ZSWIM3: variants seen among roughly 807,000 people sequenced by gnomAD.
ZSWIM3 encodes the protein zinc finger SWIM-type containing 3.
A neutral mutation model predicts 47.5 loss-of-function variants in ZSWIM3; 27 were observed. That is an observed-to-expected ratio of 0.57 (90% confidence interval 0.42 to 0.78). The LOEUF (loss-of-function observed/expected upper bound fraction) is 0.78, where lower values mean the gene tolerates loss of function less well. Among genes scored for constraint, ZSWIM3 ranks in the 30% least tolerant of loss-of-function variants. ZSWIM3 has a pLI of 0.00. For synonymous variants in ZSWIM3, 333 were observed against 333.9 expected, an observed-to-expected ratio of 1.00 and a Z score of 0.03; for missense variants, 689 against 861.3, an observed-to-expected ratio of 0.80 and a Z score of 2.50.
chr20:45,877,616 T>C lies in ZSWIM3; in HGVS notation c.1058T>C (p.Met353Thr). The change falls in exon 2 of 2, where the codon ATG (methionine) becomes ACG (threonine). Residue 353 changes from methionine (M) to threonine (T), a missense_variant. By Grantham distance (81) the Met-to-Thr change is moderately conservative. Transcript: ENST00000255152. Reference sequence around the variant, plus strand: ...GCCAGCCTGAAAAATCTCTGCCAGATGTCCCAGGCCGTACTGGATGAGGAT... The same window carrying C: ...GCCAGCCTGAAAAATCTCTGCCAGACGTCCCAGGCCGTACTGGATGAGGAT... ...SEASLKNLCQ[M>T]SQAVLDEDLF... 6.2e-7 allele frequency: 1 copy of C among 1,614,206 alleles called. No homozygotes were observed. The highest frequency in any genetic ancestry group is 8.5e-7 in the Non-Finnish European group (1 of 1,180,028).
chr20:45,858,109 A>C, intron 1 of ZSWIM3, 129 bp downstream of exon 1: 1 of 982,288 alleles, frequency 1.0e-6, no homozygotes, highest in Non-Finnish European at 1.5e-6. Flanking sequence ...ACAGGCACTC[A>C]TTGAGCACCT....
chr20:45,870,792 C>G (rs946602422), intron 1 of ZSWIM3, among the ~76,000 whole-genome samples: 1 of 151,834 alleles, frequency 6.6e-6, no homozygotes, highest in African/African-American at 2.4e-5. Context: ...CTCCTGGGTT[C>G]AAGTGATTCT....
rs35863246 is a variant in ZSWIM3 at position 45,867,002 on chromosome 20, ATT to A, written c.155+9042_155+9043del. ...AAAATAAAATCAGATCAAGTTAGAA[ATT>A]TTTTTTTTTTTTTTTTTTTGAGACA... On this transcript the variant is annotated intron_variant, in intron 1 of 1. Coordinates refer to ENST00000255152, the MANE Select transcript of ZSWIM3 (RefSeq NM_080752.4). Among the ~76,000 whole-genome samples, 1,176 of 137,448 alleles carry A rather than the reference ATT, an allele frequency of 8.6e-3. 24 individuals are homozygous for A. The East Asian group carries it at 0.092, about 11-fold the overall frequency. 90.2% of individuals were successfully genotyped at this position (137,448 alleles called of 152,430 possible).
chr20:45,865,950 G>A (rs1056220170), intron 1 of ZSWIM3, among the ~76,000 whole-genome samples: 26 of 140,428 alleles, frequency 1.9e-4, no homozygotes, highest in African/African-American at 5.5e-4. Flanking sequence ...CCGAGATCAC[G>A]CCATTGCACT....
At chr20:45,867,684 G>C (rs561622816) in intron 1 of ZSWIM3, among the ~76,000 whole-genome samples, 1 of 152,288 alleles carries the variant, frequency 6.6e-6, no homozygotes, top group African/African-American at 2.4e-5. Context: ...TATCAACTGG[G>C]AAGAGTATGT....
At position 45,877,918 on chromosome 20, in the gene ZSWIM3, A is replaced by G; in HGVS notation, c.1360A>G (p.Lys454Glu). 1 of 1,614,172 alleles carries G rather than the reference A, an allele frequency of 6.2e-7. No individual in the cohort carries two copies. The highest frequency in any genetic ancestry group is 1.7e-4 in the Middle Eastern group (1 of 6,060). ...GCCGGCAAGCATGCCACTGAAGTCC[A>G]AGAAGGCTTTTGGAATCTGTGGAGA... ...ARPASMPLKS[K>E]KAFGICGESL... Residue 454 changes from lysine to glutamate, a missense_variant, in exon 2 of 2, where the codon AAG becomes GAG. Lys to Glu is a moderately conservative substitution (Grantham distance 56, BLOSUM62 1). Transcript: ENST00000255152.
At chr20:45,864,675 C>G (rs367712121) in intron 1 of ZSWIM3, among the ~76,000 whole-genome samples, 2 of 151,706 alleles carry the variant, frequency 1.3e-5, no homozygotes, top group Non-Finnish European at 2.9e-5. Context: ...CCAGCCTGCC[C>G]GACATGGTGA....
Position 45,877,818 on chromosome 20 carries a change from G to A in ZSWIM3, c.1260G>A (p.Val420=), listed in dbSNP as rs761566705. 46 of 1,614,054 alleles carry A rather than the reference G, an allele frequency of 2.8e-5. No individual in the cohort carries two copies. The highest frequency in any genetic ancestry group is 6.7e-5 in the African/African-American group (5 of 74,914). ...QSLLDCILCF[V]DYIDFFNTKG... ...TGCTGGACTGCATCCTCTGCTTTGTGGATTACATAGACTTCTTTAATACCA... is the reference window on the plus strand; with the variant it reads ...TGCTGGACTGCATCCTCTGCTTTGTAGATTACATAGACTTCTTTAATACCA... The change falls in exon 2 of 2, where the codon GTG becomes GTA. Residue 420 remains valine (V), a synonymous_variant. Coordinates refer to ENST00000255152, the MANE Select transcript of ZSWIM3 (RefSeq NM_080752.4).
intron 1 of ZSWIM3, among the ~76,000 whole-genome samples, chr20:45,865,767 GCGGGCAGATCA>G (rs1985823371): frequency 6.6e-6 from 1 of 151,966 alleles, no homozygotes; most frequent in Admixed American, 6.6e-5. Flanking sequence ...AGAGGCCGAG[GCGGGCAGATCA>G]CGAGGTCAGG....
chr20:45,877,762 G>T lies in ZSWIM3; in HGVS notation c.1204G>T (p.Val402Leu), dbSNP rs1163493516. 3.1e-6 allele frequency: 5 copies of T among 1,614,016 alleles called. No homozygotes were observed. The South Asian group carries it at 4.4e-5, about 14-fold the overall frequency. Residue 402 changes from valine (V) to leucine (L), a missense_variant, in exon 2 of 2, where the codon GTG becomes TTG. By Grantham distance (32) the Val-to-Leu change is conservative. Coordinates refer to ENST00000255152, the MANE Select transcript of ZSWIM3 (RefSeq NM_080752.4). ...MDSLDIVTSK[V>L]SSLFREQQSL... ...CAGCCTAGACATTGTCACCAGCAAG[G>T]TGTCAAGCCTCTTTCGGGAACAGCA...
intron 1 of ZSWIM3, among the ~76,000 whole-genome samples, chr20:45,869,458 G>T (rs577795831): frequency 7.9e-5 from 12 of 151,688 alleles, no homozygotes; most frequent in Non-Finnish European, 1.8e-4. Context: ...GGCAGGGGTT[G>T]CAGTGAGGCG....
Position 45,862,664 on chromosome 20 carries a change from G to A in ZSWIM3, c.155+4684G>A, listed in dbSNP as rs369843392. Among the ~76,000 whole-genome samples the A allele has an allele frequency of 1.9e-4, 29 of 152,200 alleles. No homozygotes were observed. In the East Asian group the frequency reaches 5.4e-3, roughly 28 times the overall value. ...GCACCACCACGCCTGGCTAATTGTTGTATTTTTAGTAGAGACAGGGTTTTG... is the reference window on the plus strand; with the variant it reads ...GCACCACCACGCCTGGCTAATTGTTATATTTTTAGTAGAGACAGGGTTTTG... On this transcript the variant is annotated intron_variant, in intron 1 of 1. Transcript: ENST00000255152.
At chr20:45,859,815 A>C (rs985729670) in intron 1 of ZSWIM3, among the ~76,000 whole-genome samples, 101 of 149,424 alleles carry the variant, frequency 6.8e-4, no homozygotes, top group African/African-American at 2.3e-3. Context: ...AAAAAAAAAA[A>C]ACCACAGTTG....
chr20:45,857,991 G>T lies in ZSWIM3; in HGVS notation c.155+11G>T. ...CCGCGAAGACATCCTGTAAGGGCGG[G>T]CGGGGCGGGGCGGGCCAAGAGGGTG... On this transcript the variant is annotated intron_variant, in intron 1 of 1. Transcript: ENST00000255152. The T allele has an allele frequency of 6.4e-7, 1 of 1,571,122 alleles. No individual in the cohort carries two copies.
At chr20:45,859,450 G>A (rs912857828) in intron 1 of ZSWIM3, among the ~76,000 whole-genome samples, 1 of 149,450 alleles carries the variant, frequency 6.7e-6, no homozygotes, top group Non-Finnish European at 1.5e-5. Flanking sequence ...AGAAATGTAC[G>A]GAGAAAGAAA....
At chr20:45,866,878 G>A (rs1445716574) in intron 1 of ZSWIM3, among the ~76,000 whole-genome samples, 1 of 146,172 alleles carries the variant, frequency 6.8e-6, no homozygotes, top group Non-Finnish European at 1.5e-5. Context: ...TGCTGAAGCT[G>A]TAACTATAGT....
chr20:45,867,327 C>A (rs776723232), intron 1 of ZSWIM3, among the ~76,000 whole-genome samples: 4 of 152,056 alleles, frequency 2.6e-5, no homozygotes, highest in Non-Finnish European at 5.9e-5. Context: ...TTATTATGCA[C>A]ACAAAAGAAC....
At chr20:45,870,660 G>A (rs1046603465) in intron 1 of ZSWIM3, among the ~76,000 whole-genome samples, 1 of 151,730 alleles carries the variant, frequency 6.6e-6, no homozygotes, top group Non-Finnish European at 1.5e-5. Flanking sequence ...GAAGTGACTT[G>A]TCCAAGGTCA....
At position 45,857,933 on chromosome 20, in the gene ZSWIM3, C is replaced by G. The variant is rs140778554; in HGVS notation, c.108C>G (p.Val36=). 2.1e-5 allele frequency: 34 copies of G among 1,613,746 alleles called. No homozygotes were observed. The African/African-American group carries it at 3.6e-4, about 17-fold the overall frequency. The part of the protein sequence containing the change: ...CSFILRDCVS[V]RFHNLNHGTS... ...TCATTCTCAGGGACTGCGTCTCCGT[C>G]CGCTTCCACAACCTCAACCATGGCA... The change falls in exon 1 of 2, where the codon GTC becomes GTG. Residue 36 remains valine, a synonymous_variant. Coordinates refer to ENST00000255152, the MANE Select transcript of ZSWIM3 (RefSeq NM_080752.4).
Sources: gnomAD v4.1 joint callset for allele counts (sites outside exome capture counted in the v4.1 genomes callset) on GRCh38, gnomAD v4.1.1 for gene constraint, MANE v1.5 for transcripts, NCBI Gene and HGNC (gene_info 2026-07-23, HGNC 2026-07-21) for gene names.